Variants in BORCS5 observed in about 807,000 individuals in gnomAD.
The protein encoded by BORCS5 is BLOC-1 related complex subunit 5, also known as BLOC-1-related complex subunit 5.
BORCS5 carries 17 observed loss-of-function variants against 22.1 expected under a neutral mutation model. The ratio of observed to expected loss-of-function variants is 0.77; its 90% CI spans 0.53 to 1.15. BORCS5 has a LOEUF of 1.15. Among genes scored for constraint, BORCS5 ranks in the 50% most tolerant of loss-of-function variants. The pLI is 0.00. For synonymous variants in BORCS5, 117 were observed against 99.8 expected (o/e 1.17, Z -1.03); for missense variants, 247 against 253.2 (o/e 0.98, Z 0.17).
At chr12:12,411,272 G>A (rs546262454) in intron 2 of BORCS5, among the ~76,000 whole-genome samples, 2 of 152,288 alleles carry the variant, frequency 1.3e-5, no homozygotes, top group African/African-American at 2.4e-5. Context: ...TTGAATAGGA[G>A]TGGTGAGAGA....
At chr12:12,383,131 GA>G (rs1324916463) in intron 2 of BORCS5, among the ~76,000 whole-genome samples, 4 of 150,676 alleles carry the variant, frequency 2.7e-5, no homozygotes, top group Non-Finnish European at 5.9e-5. Context: ...CTGTTCCATT[GA>G]TTTTTTTTAA....
At chr12:12,448,542 CT>C (rs1404402372) in intron 3 of BORCS5, among the ~76,000 whole-genome samples, 2 of 120,312 alleles carry the variant, frequency 1.7e-5, no homozygotes, top group Non-Finnish European at 3.7e-5. Context: ...TTTTTTTTTT[CT>C]TTTTTTTGAC....
intron 2 of BORCS5, among the ~76,000 whole-genome samples, chr12:12,404,389 G>A (rs908950672): frequency 2.6e-5 from 4 of 152,158 alleles, no homozygotes; most frequent in Non-Finnish European, 4.4e-5. Flanking sequence ...TGAGTGCTGC[G>A]TCTTCTAGAG....
chr12:12,401,272 A>G (rs1307858509), intron 2 of BORCS5, among the ~76,000 whole-genome samples: 1 of 152,134 alleles, frequency 6.6e-6, no homozygotes, highest in Non-Finnish European at 1.5e-5. Flanking sequence ...TCGCCTTACT[A>G]GCTATATATT....
chr12:12,412,873 C>T (rs1014089869), intron 2 of BORCS5, among the ~76,000 whole-genome samples: 10 of 145,802 alleles, frequency 6.9e-5, no homozygotes, highest in Non-Finnish European at 1.2e-4. Context: ...GCTTTCTCTG[C>T]ATCAGTTGAA....
intron 2 of BORCS5, among the ~76,000 whole-genome samples, chr12:12,407,189 C>T (rs1033108820): frequency 6.6e-6 from 1 of 152,278 alleles, no homozygotes; most frequent in East Asian, 1.9e-4. Context: ...TTGAAGTAGT[C>T]CTGATCCTGT....
chr12:12,444,617 G>T (rs575929885), intron 3 of BORCS5, among the ~76,000 whole-genome samples: 1 of 152,058 alleles, frequency 6.6e-6, no homozygotes, highest in Non-Finnish European at 1.5e-5. Context: ...TGTCATCTTC[G>T]AACTTAGATT....
intron 2 of BORCS5, among the ~76,000 whole-genome samples, chr12:12,375,532 C>T (rs1370742798): frequency 6.6e-6 from 1 of 152,200 alleles, no homozygotes; most frequent in Non-Finnish European, 1.5e-5. Context: ...AGATGGGAAG[C>T]TCTCTTGATT....
chr12:12,409,240 C>CT (rs2136082986), intron 2 of BORCS5, among the ~76,000 whole-genome samples: 1 of 151,872 alleles, frequency 6.6e-6, no homozygotes, highest in South Asian at 2.1e-4. Context: ...TATTATTATA[C>CT]TTTAAGTTTT....
rs771175360 is a variant in BORCS5, at chr12:12,470,196, G to A, written c.*4420G>A. 1.3e-5 allele frequency among the ~76,000 whole-genome samples: 2 copies of A among 152,060 alleles called. No homozygotes were observed. Among genetic ancestry groups the A allele is most frequent in the South Asian group, 2.1e-4 (1 of 4,820 alleles). On this transcript the variant is annotated 3_prime_UTR_variant, in exon 4 of 4. Coordinates refer to ENST00000314565, the MANE Select transcript of BORCS5 (RefSeq NM_058169.6). ...AGCAGTTATACTGTCTCAGCCTCCCGAGTAGCTGGGACTACAGGTGCCCGC... is the reference window on the plus strand; with the variant it reads ...AGCAGTTATACTGTCTCAGCCTCCCAAGTAGCTGGGACTACAGGTGCCCGC...
At chr12:12,369,285 TCTTTA>T (rs1281513087) in intron 2 of BORCS5, among the ~76,000 whole-genome samples, 1 of 152,240 alleles carries the variant, frequency 6.6e-6, no homozygotes, top group Non-Finnish European at 1.5e-5. Context: ...CTTTTACTAT[TCTTTA>T]CTTATTTTTA....
Position 12,374,233 on chromosome 12 carries a change from C to T in BORCS5, c.202+12884C>T, listed in dbSNP as rs767656009. 4.0e-5 allele frequency among the ~76,000 whole-genome samples: 6 copies of T among 151,756 alleles called. No homozygotes were observed. In the East Asian group the frequency reaches 7.8e-4, roughly 20 times the overall value. On this transcript the variant is annotated intron_variant, in intron 2 of 3. Transcript: ENST00000314565. ...GTCTCGATCTCCTGACCTCGTGATC[C>T]GCCCGCCTCAGCCTCCCAAAGTGCT...
intron 2 of BORCS5, among the ~76,000 whole-genome samples, chr12:12,384,710 A>G (rs1863844473): frequency 6.6e-6 from 1 of 150,944 alleles, no homozygotes; most frequent in Non-Finnish European, 1.5e-5. Flanking sequence ...CCTCCTTTTT[A>G]AAAGACGACA....
At chr12:12,438,371 A>AAAAAAAAAAAAAAAAC (rs1565915549) in intron 3 of BORCS5, among the ~76,000 whole-genome samples, 1 of 117,074 alleles carries the variant, frequency 8.5e-6, no homozygotes, top group African/African-American at 4.5e-5. Flanking sequence ...AAAAAAAAAA[A>AAAAAAAAAAAAAAAAC]AAAAAAAAAC....
At chr12:12,362,825 A>G (rs1270517316) in intron 2 of BORCS5, among the ~76,000 whole-genome samples, 5 of 147,888 alleles carry the variant, frequency 3.4e-5, no homozygotes, top group African/African-American at 1.3e-4. Flanking sequence ...TATTATTATT[A>G]TTTTTAGTTG....
At chr12:12,429,435 C>G (rs568627739) in intron 2 of BORCS5, among the ~76,000 whole-genome samples, 25 of 152,286 alleles carry the variant, frequency 1.6e-4, no homozygotes, top group African/African-American at 6.0e-4. Context: ...CTTGCTCCTG[C>G]TATGACCCGG....
intron 2 of BORCS5, among the ~76,000 whole-genome samples, chr12:12,381,752 C>T (rs1392496313): frequency 6.6e-6 from 1 of 151,420 alleles, no homozygotes; most frequent in Non-Finnish European, 1.5e-5. Context: ...ACTATATAGT[C>T]TGCAGTCATT....
At chr12:12,380,151 T>G (rs1218243328) in intron 2 of BORCS5, among the ~76,000 whole-genome samples, 1 of 151,230 alleles carries the variant, frequency 6.6e-6, no homozygotes, top group Non-Finnish European at 1.5e-5. Context: ...CCCAAAACAA[T>G]TACAATAGTG....
chr12:12,415,014 C>G (rs1419043903), intron 2 of BORCS5, among the ~76,000 whole-genome samples: 1 of 129,114 alleles, frequency 7.7e-6, no homozygotes, highest in East Asian at 2.0e-4. Context: ...AGGCGCTCCT[C>G]GCTTCCTAGA....
Sources: allele counts gnomAD v4.1 joint callset (sites outside exome capture counted in the v4.1 genomes callset), GRCh38; gene constraint gnomAD v4.1.1; transcripts MANE v1.5; gene names NCBI Gene and HGNC (gene_info 2026-07-23, HGNC 2026-07-21).